LIFR: variants seen among roughly 807,000 people sequenced by gnomAD.
The protein encoded by LIFR is leukemia inhibitory factor receptor.
A neutral mutation model predicts 122.2 loss-of-function variants in LIFR; 84 were observed. That is an observed-to-expected ratio of 0.69 (90% confidence interval 0.58 to 0.82). The LOEUF is 0.82. Among genes scored for constraint, LIFR ranks in the 40% least tolerant of loss-of-function variants. The pLI is 0.00. For missense variants in LIFR, 1,294 were observed against 1,311.6 expected (o/e 0.99, Z 0.21); for synonymous variants, 422 against 434.7 (o/e 0.97, Z 0.36).
upstream of LIFR, among the ~76,000 whole-genome samples, chr5:38,597,809 CT>C (rs1252725426): frequency 6.6e-6 from 1 of 152,122 alleles, no homozygotes; most frequent in East Asian, 1.9e-4. Flanking sequence ...ATTTCATGGG[CT>C]TAGTCTAGAG....
intron 1 of LIFR, among the ~76,000 whole-genome samples, chr5:38,549,852 G>A (rs1561200063): frequency 6.6e-6 from 1 of 152,044 alleles, no homozygotes; most frequent in Non-Finnish European, 1.5e-5. Context: ...TTTTTTAAAT[G>A]TATTTTTTTT....
intron 1 of LIFR, among the ~76,000 whole-genome samples, chr5:38,589,248 T>G (rs1189829488): frequency 6.6e-6 from 1 of 152,066 alleles, no homozygotes; most frequent in East Asian, 1.9e-4. Context: ...ACTGATCTCA[T>G]TTTAAAAATC....
chr5:38,490,441 T>G (rs1000366457), intron 14 of LIFR, 150 bp from the exon 15 acceptor site: 2 of 423,306 alleles, frequency 4.7e-6, no homozygotes, highest in Non-Finnish European at 8.4e-6. Context: ...TTTTAAAGAC[T>G]AGTAAATATT....
chr5:38,582,952 C>A (rs991823118), intron 1 of LIFR, among the ~76,000 whole-genome samples: 1 of 152,218 alleles, frequency 6.6e-6, no homozygotes, highest in Non-Finnish European at 1.5e-5. Flanking sequence ...GAGTTAAATC[C>A]GGTCTCTGTG....
chr5:38,588,632 A>G (rs1487138867), intron 1 of LIFR, among the ~76,000 whole-genome samples: 1 of 152,230 alleles, frequency 6.6e-6, no homozygotes, highest in Non-Finnish European at 1.5e-5. Flanking sequence ...AAATATTTAT[A>G]AAAATCAGAA....
chr5:38,486,370 G>A (rs142805986), intron 16 of LIFR, among the ~76,000 whole-genome samples: 1 of 152,310 alleles, frequency 6.6e-6, no homozygotes, highest in East Asian at 1.9e-4. Context: ...CTTCCCATGA[G>A]TGAGAGTGAA....
At chr5:38,532,472 G>A (rs1384127630) in intron 1 of LIFR, among the ~76,000 whole-genome samples, 1 of 152,138 alleles carries the variant, frequency 6.6e-6, no homozygotes, top group Non-Finnish European at 1.5e-5. Flanking sequence ...GAACAGGCAC[G>A]CAGACAGTAG....
intron 1 of LIFR, chr5:38,579,458 A>AG (rs1217935461): frequency 2.6e-5 from 4 of 152,188 alleles, no homozygotes; most frequent in African/African-American, 9.6e-5. Context: ...GAAAAAAAAA[A>AG]GAGGGGAGTC....
In LIFR at chr5:38,481,275, G is replaced by A. The variant is rs149357204; in HGVS notation, c.*320C>T. On this transcript the variant is annotated 3_prime_UTR_variant, in exon 20 of 20. Coordinates refer to ENST00000453190, the MANE Select transcript of LIFR (RefSeq NM_001127671.2). ...CAACAGAACAGAAAACAGTTGCGGC[G>A]GGATTTGTTTTACATGTACGTACAA... is the stretch of plus-strand genomic sequence containing the variant. 524 of 400,406 alleles carry A rather than the reference G, an allele frequency of 1.3e-3. 4 individuals are homozygous for A. Among genetic ancestry groups the A allele is most frequent in the Non-Finnish European group, 2.0e-3 (428 of 219,364 alleles). The allele number at this position is 400,406 out of a possible 1,614,324, so 24.8% of individuals were successfully genotyped here. A position where few individuals can be genotyped will look rare whatever the true frequency, so the allele number is the denominator to read the frequency against.
upstream of LIFR, chr5:38,558,045 G>A (rs1402954572): frequency 1.3e-5 from 2 of 151,892 alleles, no homozygotes; most frequent in African/African-American, 2.4e-5. Flanking sequence ...AGTGCCTAAG[G>A]TCCACAATAT....
At chr5:38,517,416 A>G (rs982557992) in intron 5 of LIFR, among the ~76,000 whole-genome samples, 1 of 152,306 alleles carries the variant, frequency 6.6e-6, no homozygotes, top group Admixed American at 6.5e-5. Flanking sequence ...ATGTTAGGCC[A>G]TAATGACAAG....
chr5:38,534,536 A>T (rs753808478), intron 1 of LIFR, among the ~76,000 whole-genome samples: 1 of 152,202 alleles, frequency 6.6e-6, no homozygotes, highest in East Asian at 1.9e-4. Flanking sequence ...ATCAGTATAT[A>T]GGTCTAGTCC....
chr5:38,510,371 C>T (rs1018324055), intron 7 of LIFR, 93 bp downstream of exon 7: 4 of 1,128,910 alleles, frequency 3.5e-6, no homozygotes, highest in Non-Finnish European at 5.2e-6. Flanking sequence ...AACAGAATCA[C>T]TCCTCCCACC....
At chr5:38,592,464 C>T (rs537271492) in intron 1 of LIFR, among the ~76,000 whole-genome samples, 17 of 151,898 alleles carry the variant, frequency 1.1e-4, no homozygotes, top group Non-Finnish European at 1.9e-4. Flanking sequence ...TTGAGACCAG[C>T]CTGGCCAACA....
At chr5:38,593,036 C>G (rs1749979250) in intron 1 of LIFR, among the ~76,000 whole-genome samples, 1 of 152,020 alleles carries the variant, frequency 6.6e-6, no homozygotes. Context: ...AACCCTGTCT[C>G]TACTAAAATT....
At chr5:38,549,287 A>ACACACACACACACACACACT (rs1491389562) in intron 1 of LIFR, among the ~76,000 whole-genome samples, 1 of 137,828 alleles carries the variant, frequency 7.3e-6, no homozygotes, top group South Asian at 2.4e-4. Flanking sequence ...ACACACACAC[A>ACACACACACACACACACACT]CTCCATAAGC....
At chr5:38,557,535 A>T (rs935924691), upstream of LIFR, 1 of 154,824 alleles carries the variant, frequency 6.5e-6, no homozygotes, top group Non-Finnish European at 1.5e-5. Flanking sequence ...CCTGGCACGC[A>T]GTCAGGACTC....
chr5:38,481,605 G>A lies in LIFR; in HGVS notation c.3284C>T (p.Pro1095Leu), dbSNP rs1554018035. Reference protein sequence around the residue: ...WSFTNFFQNKPND With the variant: ...WSFTNFFQNKLND The stretch of plus-strand genomic sequence containing the variant: ...GACACGGTGACACTGTTAATCGTTT[G>A]GTTTGTTCTGAAAAAAGTTTGTAAA... Residue 1095 changes from proline to leucine, a missense_variant, in exon 20 of 20, where the codon CCA becomes CTA. Physicochemically the swap from Pro to Leu is moderately conservative, Grantham distance 98. Coordinates refer to ENST00000453190, the MANE Select transcript of LIFR (RefSeq NM_001127671.2). The A allele has an allele frequency of 6.2e-7, 1 of 1,614,012 alleles. No homozygotes were observed. Among genetic ancestry groups the A allele is most frequent in the South Asian group, 1.1e-5 (1 of 91,072 alleles).
intron 11 of LIFR, among the ~76,000 whole-genome samples, chr5:38,502,075 G>A (rs186102708): frequency 1.3e-5 from 2 of 151,150 alleles, no homozygotes; most frequent in African/African-American, 4.9e-5. Flanking sequence ...ATGCATTATC[G>A]TAATATGGTG....
Sources: gnomAD v4.1 joint callset for allele counts (sites outside exome capture counted in the v4.1 genomes callset) on GRCh38, gnomAD v4.1.1 for gene constraint, MANE v1.5 for transcripts, NCBI Gene and HGNC (gene_info 2026-07-23, HGNC 2026-07-21) for gene names.